CHN2: variants seen among roughly 807,000 people sequenced by gnomAD.
The protein encoded by CHN2 is beta-chimaerin.
Under a neutral mutation model 56.3 loss-of-function variants are expected in CHN2, and 35 were observed. The ratio of observed to expected loss-of-function variants is 0.62; its 90% CI spans 0.47 to 0.82. The LOEUF is 0.82. CHN2 is among the 40% of genes least tolerant of loss of function. The pLI, the probability that CHN2 is intolerant of heterozygous loss-of-function variation, is 0.00. For synonymous variants in CHN2, 210 were observed against 212.8 expected (o/e 0.99, Z 0.12); for missense variants, 491 against 580.5 (o/e 0.85, Z 1.58).
chr7:29,413,897 G>A (rs975569984), intron 6 of CHN2, among the ~76,000 whole-genome samples: 9 of 152,112 alleles, frequency 5.9e-5, no homozygotes, highest in African/African-American at 1.7e-4. Flanking sequence ...GATTCTAATC[G>A]TCTTCTGCTC....
At chr7:29,167,262 A>G (rs1796036968) in intron 2 of CHN2, among the ~76,000 whole-genome samples, 1 of 152,216 alleles carries the variant, frequency 6.6e-6, no homozygotes, top group Non-Finnish European at 1.5e-5. Context: ...ACCTTTGTCA[A>G]ATACAATAAT....
chr7:29,350,187 C>G (rs1797774252), intron 1 of CHN2, among the ~76,000 whole-genome samples: 1 of 152,162 alleles, frequency 6.6e-6, no homozygotes, highest in African/African-American at 2.4e-5. Context: ...TCACCTCTGC[C>G]TCTAACTTGT....
chr7:29,257,934 C>T (rs147122949), intron 1 of CHN2, among the ~76,000 whole-genome samples: 263 of 152,118 alleles, frequency 1.7e-3, no homozygotes, highest in African/African-American at 6.2e-3. Flanking sequence ...ACTACAGGCA[C>T]GTGCCACCAC....
Position 29,382,725 on chromosome 7 carries a change from A to G in CHN2, c.145-10954A>G, listed in dbSNP as rs146797479. On this transcript the variant is annotated intron_variant, in intron 3 of 12. Coordinates refer to ENST00000222792, the MANE Select transcript of CHN2 (RefSeq NM_004067.4). The stretch of plus-strand genomic sequence containing the variant: ...CTAACTCAGGCCTTTTATAAAGTTC[A>G]GAGGCAGGAGACTTCCCCAGGATGG... 4.8e-3 allele frequency among the ~76,000 whole-genome samples: 710 copies of G among 148,794 alleles called. 3 individuals are homozygous for G. The highest frequency in any genetic ancestry group is 0.018 in the African/African-American group (680 of 38,618).
At chr7:29,507,440 A>C in intron 11 of CHN2, 75 bp downstream of exon 11, 10 of 1,113,654 alleles carry the variant, frequency 9.0e-6, no homozygotes, top group Non-Finnish European at 1.3e-5. Flanking sequence ...GATAATTAAA[A>C]CTCAGAACTG....
At chr7:29,442,930 A>ATTTTTTTTTTTTTTTTTTTTTTTTT (rs1238691449) in intron 6 of CHN2, among the ~76,000 whole-genome samples, 2 of 102,182 alleles carry the variant, frequency 2.0e-5, no homozygotes, top group African/African-American at 9.9e-5. Context: ...ATTTCATTGA[A>ATTTTTTTTTTTTTTTTTTTTTTTTT]TTTCTTTTTT....
intron 1 of CHN2, among the ~76,000 whole-genome samples, chr7:29,319,060 G>A (rs943452627): frequency 6.6e-6 from 1 of 152,200 alleles, no homozygotes; most frequent in African/African-American, 2.4e-5. Flanking sequence ...ACAGGGCAGA[G>A]GCTAAGACGG....
At chr7:29,203,741 C>T (rs189505197) in intron 1 of CHN2, among the ~76,000 whole-genome samples, 32 of 152,262 alleles carry the variant, frequency 2.1e-4, no homozygotes, top group African/African-American at 6.5e-4. Flanking sequence ...CTCCATTCAC[C>T]AAGGCAGAAA....
At chr7:29,274,636 G>A (rs570883998) in intron 1 of CHN2, among the ~76,000 whole-genome samples, 3 of 149,620 alleles carry the variant, frequency 2.0e-5, no homozygotes, top group South Asian at 2.2e-4. Context: ...GTCTATGCCC[G>A]CTGGAGAGAA....
chr7:29,176,323 C>T (rs373525453), intron 2 of CHN2, among the ~76,000 whole-genome samples: 3 of 152,124 alleles, frequency 2.0e-5, no homozygotes, highest in African/African-American at 7.2e-5. Flanking sequence ...TTTAGATACA[C>T]TGTAGGAAAG....
chr7:29,248,134 G>C (rs1788216372), intron 1 of CHN2, among the ~76,000 whole-genome samples: 1 of 152,226 alleles, frequency 6.6e-6, no homozygotes, highest in Non-Finnish European at 1.5e-5. Flanking sequence ...TGACTGTGTT[G>C]CAGGTGATGG....
At chr7:29,245,236 A>G (rs1348102799) in intron 1 of CHN2, among the ~76,000 whole-genome samples, 1 of 152,210 alleles carries the variant, frequency 6.6e-6, no homozygotes, top group Admixed American at 6.5e-5. Context: ...CTAATCTGTA[A>G]ATTCAAGGTG....
chr7:29,214,603 G>A (rs1443895012), intron 1 of CHN2, among the ~76,000 whole-genome samples: 2 of 152,098 alleles, frequency 1.3e-5, no homozygotes, highest in South Asian at 2.1e-4. Context: ...ACAGTTTATT[G>A]GCCAGAAACT....
At chr7:29,147,334 C>T (rs6959514) in intron 2 of CHN2, 137 of 189,552 alleles carry the variant, frequency 7.2e-4, no homozygotes, top group African/African-American at 3.1e-3. Flanking sequence ...CCGGGCCAAC[C>T]TCCATCTCCT....
intron 7 of CHN2, among the ~76,000 whole-genome samples, chr7:29,494,060 C>T (rs1041460923): frequency 6.6e-6 from 1 of 152,196 alleles, no homozygotes; most frequent in Non-Finnish European, 1.5e-5. Flanking sequence ...TCCTTCACCA[C>T]ACCAAGTTCT....
chr7:29,327,966 C>T (rs1301685641), intron 1 of CHN2, among the ~76,000 whole-genome samples: 1 of 152,136 alleles, frequency 6.6e-6, no homozygotes, highest in Non-Finnish European at 1.5e-5. Flanking sequence ...GAGAAAATAA[C>T]CTCTCCAAAG....
intron 6 of CHN2, among the ~76,000 whole-genome samples, chr7:29,437,489 T>G (rs1324766868): frequency 7.7e-6 from 1 of 129,908 alleles, no homozygotes; most frequent in African/African-American, 3.4e-5. Flanking sequence ...TCCCAGCTAC[T>G]CGGGAGGCTG....
At chr7:29,204,068 TG>T (rs1784354492) in intron 1 of CHN2, among the ~76,000 whole-genome samples, 2 of 13,008 alleles carry the variant, frequency 1.5e-4, no homozygotes, top group African/African-American at 7.2e-4. Flanking sequence ...TCTCTCTCTC[TG>T]TGTGTGTGTG....
chr7:29,255,342 C>G (rs1196362134), intron 1 of CHN2, among the ~76,000 whole-genome samples: 1 of 152,168 alleles, frequency 6.6e-6, no homozygotes, highest in East Asian at 1.9e-4. Context: ...AAAGGCAGGG[C>G]TCCTGTGGCC....
Sources: allele counts gnomAD v4.1 joint callset (sites outside exome capture counted in the v4.1 genomes callset), GRCh38; gene constraint gnomAD v4.1.1; transcripts MANE v1.5; gene names NCBI Gene and HGNC (gene_info 2026-07-23, HGNC 2026-07-21).